DNAH10: variants seen among roughly 807,000 people sequenced by gnomAD.
DNAH10 encodes dynein axonemal heavy chain 10.
A neutral mutation model predicts 506.6 loss-of-function variants in DNAH10; 348 were observed. The ratio of observed to expected loss-of-function variants is 0.69; its 90% CI spans 0.63 to 0.75. DNAH10 has a LOEUF of 0.75. DNAH10 is among the 30% of genes least tolerant of loss of function. The pLI, the probability that DNAH10 is intolerant of heterozygous loss-of-function variation, is 0.00. For missense variants in DNAH10, 5,179 were observed against 5,787.1 expected, an observed-to-expected ratio of 0.89 and a Z score of 3.41; for synonymous variants, 2,059 against 2,198.6, an observed-to-expected ratio of 0.94 and a Z score of 1.78.
In DNAH10 at chr12:123,873,721, G is replaced by A. The variant is rs1053191765; in HGVS notation, c.7938+11G>A. The stretch of plus-strand genomic sequence containing the variant: ...ATGAATATGCCAAGGGTAGTTTGAC[G>A]CTCAAGCAGGTGGAGGGATGGGTCA... On this transcript the variant is annotated intron_variant, in intron 46 of 78. Transcript: ENST00000673944. The A allele has an allele frequency of 7.5e-6, 12 of 1,597,968 alleles. No individual in the cohort carries two copies. Among genetic ancestry groups the A allele is most frequent in the African/African-American group, 4.0e-5 (3 of 74,556 alleles).
intron 52 of DNAH10, among the ~76,000 whole-genome samples, chr12:123,888,722 A>G (rs1314611131): frequency 1.3e-5 from 2 of 152,164 alleles, no homozygotes; most frequent in Non-Finnish European, 2.9e-5. Flanking sequence ...CCAGAAATCT[A>G]CTAGAGATGC....
intron 19 of DNAH10, among the ~76,000 whole-genome samples, chr12:123,811,762 C>G (rs1308888202): frequency 6.6e-6 from 1 of 152,174 alleles, no homozygotes; most frequent in East Asian, 1.9e-4. Context: ...CTCGGCCTCC[C>G]AAAGTGCTGG....
At position 123,771,679 on chromosome 12, in the gene DNAH10, C is replaced by T. The variant is rs1422876938; in HGVS notation, c.377C>T (p.Ser126Leu). 3.1e-6 allele frequency: 5 copies of T among 1,612,082 alleles called. No individual in the cohort carries two copies. The highest frequency in any genetic ancestry group is 4.2e-6 in the Non-Finnish European group (5 of 1,179,132). ...GATGAAGAAATGGACAAAGAGATTT[C>T]AGAAAAACTCCCTTCCAAAGTAAGC... ...REDEEMDKEI[S>L]EKLPSKRTAK... Residue 126 changes from serine (S) to leucine (L), a missense_variant, in exon 3 of 79, where the codon TCA (serine) becomes TTA (leucine). Transcript: ENST00000673944.
At chr12:123,862,538 T>A (rs1453043861) in intron 39 of DNAH10, among the ~76,000 whole-genome samples, 1 of 151,958 alleles carries the variant, frequency 6.6e-6, no homozygotes, top group African/African-American at 2.4e-5. Flanking sequence ...TGCAGGTGCA[T>A]GTCACCATGC....
chr12:123,815,444 A>G (rs1253478139), intron 21 of DNAH10, among the ~76,000 whole-genome samples: 3 of 152,122 alleles, frequency 2.0e-5, no homozygotes, highest in Non-Finnish European at 4.4e-5. Flanking sequence ...TTCTAGGCAC[A>G]CCATTTTATA....
At position 123,867,910 on chromosome 12, in the gene DNAH10, A is replaced by C. The variant is rs761900329; in HGVS notation, c.7310A>C (p.Gln2437Pro). ...VPQTDLNMVT[Q>P]LAKMLDALLE... ...TATTTTCCTGTGAACCAGGTAACCC[A>C]GTTAGCCAAGATGTTGGATGCGTTG... The change falls in exon 43 of 79, where the codon CAG becomes CCG. Residue 2437 changes from glutamine to proline, a missense_variant. Around this residue, in one of 3 missense-constraint regions of DNAH10, gnomAD observed 4,844 missense variants for 5,430.5 expected, o/e 0.89. Transcript: ENST00000673944. The C allele has an allele frequency of 6.2e-7, 1 of 1,613,224 alleles. No individual in the cohort carries two copies. Among genetic ancestry groups the C allele is most frequent in the South Asian group, 1.1e-5 (1 of 90,798 alleles).
chr12:123,854,459 G>C (rs1041484554), intron 36 of DNAH10, among the ~76,000 whole-genome samples: 1 of 152,164 alleles, frequency 6.6e-6, no homozygotes, highest in African/African-American at 2.4e-5. Context: ...CTACTGGCTT[G>C]TTTTCTTTTA....
rs372165860 is a variant in DNAH10, at chr12:123,931,993, C to G, written c.13181C>G (p.Ser4394Cys). ...MSNELDDVAR[S>C]LFIGHIPNIW... ...AATGAGTTAGATGATGTGGCCAGGT[C>G]TCTTTTTATCGGGCATATCCCTAAT... Residue 4394 changes from serine to cysteine, a missense_variant, in exon 76 of 79, where the codon TCT becomes TGT. Physicochemically the swap from Ser to Cys is moderately radical, Grantham distance 112 (BLOSUM62 -1). This residue lies in a region of DNAH10 where 4,844 missense variants were observed against 5,430.5 expected (regional missense o/e 0.89). Transcript: ENST00000673944. 11 of 1,613,928 alleles carry G rather than the reference C, an allele frequency of 6.8e-6. No individual in the cohort carries two copies. Among genetic ancestry groups the G allele is most frequent in the South Asian group, 1.1e-5 (1 of 91,082 alleles).
chr12:123,856,869 A>T (rs1951413227), intron 36 of DNAH10, among the ~76,000 whole-genome samples, 187 bp from the exon 37 acceptor site: 3 of 149,744 alleles, frequency 2.0e-5, no homozygotes, highest in Admixed American at 2.0e-4. Context: ...AAATTAATTT[A>T]AATTAATTTC....
chr12:123,905,282 T>G (rs1953724199), intron 57 of DNAH10, among the ~76,000 whole-genome samples: 1 of 152,214 alleles, frequency 6.6e-6, no homozygotes, highest in African/African-American at 2.4e-5. Flanking sequence ...TTAAATAAAT[T>G]GATTGTGTCT....
chr12:123,861,398 C>T (rs7297037), intron 39 of DNAH10, among the ~76,000 whole-genome samples: 2,482 of 152,254 alleles, frequency 0.016, 66 homozygotes, highest in African/African-American at 0.056. Flanking sequence ...GGGATTGTTC[C>T]CAGCTTACCA....
chr12:123,800,756 C>T (rs1049079597), intron 15 of DNAH10, among the ~76,000 whole-genome samples: 12 of 151,582 alleles, frequency 7.9e-5, no homozygotes, highest in African/African-American at 1.5e-4. Flanking sequence ...TGGTGGCTCA[C>T]GCCTGTAATC....
chr12:123,785,647 A>G lies in DNAH10; in HGVS notation c.1231-99A>G. 1 of 1,195,918 alleles carries G rather than the reference A, an allele frequency of 8.4e-7. No individual in the cohort carries two copies. The highest frequency in any genetic ancestry group is 2.5e-5 in the East Asian group (1 of 39,288). The allele number at this position is 1,195,918 out of a possible 1,614,324, so 74.1% of individuals were successfully genotyped here. On this transcript the variant is annotated intron_variant, in intron 8 of 78. Transcript: ENST00000673944. This position sits in a 1 kb window ranked among gnomAD's most constrained non-coding sequence, Gnocchi z 4.1. ...GACTTGGTCTCAAGGAAAAAAAAAA[A>G]AAAAAAAGAGTGAAACTTCTTGCAT...
At chr12:123,921,745 A>C (rs1954741437) in intron 65 of DNAH10, among the ~76,000 whole-genome samples, 2 of 102,076 alleles carry the variant, frequency 2.0e-5, no homozygotes, top group Admixed American at 1.6e-4. Context: ...ACAGAATGTC[A>C]CTCTGTTGCC....
rs1555242294 is a variant in DNAH10 at position 123,877,709 on chromosome 12, T to TTTG, written c.8200-27_8200-26insTTG. On this transcript the variant is annotated intron_variant, in intron 47 of 78. Transcript: ENST00000673944. ...CATCTACTGAAGGACATTTGTGTGTTGGGGGGGGTGTCTTTGCATTTTTCA... is the reference window on the plus strand; with the variant it reads ...CATCTACTGAAGGACATTTGTGTGTTTTGGGGGGGGGTGTCTTTGCATTTTTCA... 8 of 1,531,826 alleles carry TTTG rather than the reference T, an allele frequency of 5.2e-6. No individual in the cohort carries two copies. The African/African-American group carries it at 9.7e-5, about 19-fold the overall frequency. 94.9% of individuals were successfully genotyped at this position (1,531,826 alleles called of 1,614,324 possible).
At chr12:123,789,342 T>C (rs1320587519) in intron 10 of DNAH10, among the ~76,000 whole-genome samples, 5 of 152,020 alleles carry the variant, frequency 3.3e-5, no homozygotes, top group African/African-American at 1.2e-4. Context: ...AAACGCTGCA[T>C]AGAACTACCT....
At chr12:123,805,647 G>A (rs137916150) in intron 18 of DNAH10, among the ~76,000 whole-genome samples, 60 of 152,238 alleles carry the variant, frequency 3.9e-4, no homozygotes, top group Non-Finnish European at 5.3e-4. Flanking sequence ...CACCGTTACC[G>A]TCACGTCTAT....
At chr12:123,805,080 A>G (rs749528335) in intron 18 of DNAH10, 40 bp downstream of exon 18, 5 of 1,596,846 alleles carry the variant, frequency 3.1e-6, no homozygotes, top group Non-Finnish European at 4.3e-6. Context: ...TGGTGTGTGT[A>G]GATTAAAACA....
At position 123,894,642 on chromosome 12, in the gene DNAH10, G is replaced by C. The variant is rs750464822; in HGVS notation, c.9200-1G>C. On this transcript the variant is annotated splice_acceptor_variant, in intron 53 of 78. Coordinates refer to ENST00000673944, the MANE Select transcript of DNAH10 (RefSeq NM_001372106.1). LOFTEE classifies it high-confidence loss of function. ...CTTTTTAATCTCTCTTTCCTTTCAA[G>C]GTATGGTAAATAACACTGGTATTGA... The C allele has an allele frequency of 6.2e-7, 1 of 1,613,778 alleles. No individual in the cohort carries two copies. The highest frequency in any genetic ancestry group is 1.7e-5 in the Admixed American group (1 of 60,000).
Sources: allele counts gnomAD v4.1 joint callset (sites outside exome capture counted in the v4.1 genomes callset), GRCh38; gene constraint gnomAD v4.1.1; regional missense constraint gnomAD v4.1.1; non-coding constraint Gnocchi (gnomAD v3.1); transcripts MANE v1.5; gene names NCBI Gene and HGNC (gene_info 2026-07-23, HGNC 2026-07-21).